The following ATP6V0D1 variants were observed in gnomAD, a reference collection of about 807,000 sequenced individuals.
ATP6V0D1 encodes ATPase H+ transporting V0 subunit d1, also known as V-type proton ATPase subunit d 1.
ATP6V0D1 carries 13 observed loss-of-function variants against 39.0 expected under a neutral mutation model. The observed-to-expected ratio is 0.33, with a 90% CI of 0.22 to 0.53. The LOEUF is 0.53. Ranked by LOEUF, ATP6V0D1 falls within the 20% of genes least tolerant of loss-of-function variation. ATP6V0D1 has a pLI of 0.94. For synonymous variants in ATP6V0D1, 191 were observed against 191.2 expected (o/e 1.00, Z 0.01); for missense variants, 272 against 470.9 (o/e 0.58, Z 3.91).
chr16:67,480,888 C>T, intron 1 of ATP6V0D1, 69 bp downstream of exon 1: 1 of 1,571,364 alleles, frequency 6.4e-7, no homozygotes, highest in Non-Finnish European at 8.7e-7. Flanking sequence ...TTCCGGCTTC[C>T]CGGCCTACAC....
intron 1 of ATP6V0D1, among the ~76,000 whole-genome samples, chr16:67,458,483 G>A (rs959745315): frequency 6.6e-6 from 1 of 152,188 alleles, no homozygotes; most frequent in Non-Finnish European, 1.5e-5. Context: ...CCTCAGTGAT[G>A]GCCACTGAGA....
At chr16:67,443,241 A>G in intron 3 of ATP6V0D1, 63 bp from the exon 4 acceptor site, 30 of 1,542,696 alleles carry the variant, frequency 1.9e-5, no homozygotes, top group Non-Finnish European at 2.6e-5. Context: ...TGATGTTCAA[A>G]TGCCCTACAC....
intron 1 of ATP6V0D1, among the ~76,000 whole-genome samples, chr16:67,461,868 C>T (rs915953005): frequency 2.6e-5 from 4 of 152,210 alleles, no homozygotes; most frequent in Admixed American, 6.5e-5. Flanking sequence ...CTGGGTTCAT[C>T]ACCCCACTCC....
intron 1 of ATP6V0D1, 59 bp downstream of exon 1, chr16:67,480,898 C>T (rs1000547525): frequency 3.7e-6 from 6 of 1,602,148 alleles, no homozygotes; most frequent in African/African-American, 2.7e-5. Context: ...CCGGCCTACA[C>T]CTCTGAACCC....
intron 4 of ATP6V0D1, chr16:67,439,626 A>C: frequency 2.0e-6 from 1 of 499,210 alleles, no homozygotes; most frequent in Non-Finnish European, 3.6e-6. Flanking sequence ...TCACCCCCTC[A>C]CCTCACAGAA....
intron 2 of ATP6V0D1, among the ~76,000 whole-genome samples, chr16:67,448,251 C>T (rs2041139414): frequency 6.6e-6 from 1 of 151,518 alleles, no homozygotes; most frequent in African/African-American, 2.4e-5. Context: ...ACTTGGGAGG[C>T]TGAGGCAGGA....
intron 2 of ATP6V0D1, among the ~76,000 whole-genome samples, chr16:67,450,475 G>C (rs16957443): frequency 0.022 from 3,408 of 152,244 alleles, 41 homozygotes; most frequent in Middle Eastern, 0.041. Context: ...GCGGAGAAGG[G>C]AGAGTGGCCA....
At chr16:67,459,256 C>A in intron 1 of ATP6V0D1, 3 of 985,514 alleles carry the variant, frequency 3.0e-6, no homozygotes, top group South Asian at 4.7e-5. Context: ...CATAGAGAGG[C>A]TGGGTTGGGA....
rs764892713 is a variant in ATP6V0D1 at position 67,439,150 on chromosome 16, G to A, written c.640-3C>T. 2.9e-5 allele frequency: 47 copies of A among 1,613,818 alleles called. No individual in the cohort carries two copies. The highest frequency in any genetic ancestry group is 6.7e-5 in the Admixed American group (4 of 60,016). On this transcript the variant is annotated splice_region_variant and splice_polypyrimidine_tract_variant and intron_variant, in intron 5 of 7. Coordinates refer to ENST00000290949, the MANE Select transcript of ATP6V0D1 (RefSeq NM_004691.5). The stretch of plus-strand genomic sequence containing the variant: ...AAGGCGCGGCGGTCTGCTTCAAACT[G>A]TGGAGCCAGTGCACAGGTAAGAAGA...
intron 1 of ATP6V0D1, among the ~76,000 whole-genome samples, chr16:67,467,640 A>C (rs1032692652): frequency 6.6e-6 from 1 of 152,152 alleles, no homozygotes; most frequent in African/African-American, 2.4e-5. Flanking sequence ...GGGCAAATAC[A>C]TCTCTGCATC....
intron 3 of ATP6V0D1, among the ~76,000 whole-genome samples, chr16:67,443,911 C>G (rs1050595018): frequency 5.9e-5 from 9 of 152,202 alleles, no homozygotes; most frequent in Non-Finnish European, 8.8e-5. Flanking sequence ...GAGGTGGTAC[C>G]CCAGGCCCAG....
chr16:67,459,761 C>T (rs1288420345), intron 1 of ATP6V0D1, among the ~76,000 whole-genome samples: 2 of 152,268 alleles, frequency 1.3e-5, no homozygotes, highest in African/African-American at 4.8e-5. Flanking sequence ...CCCCAGGCCT[C>T]TGCAGTTCCT....
intron 4 of ATP6V0D1, among the ~76,000 whole-genome samples, chr16:67,442,872 T>A (rs1420624608): frequency 1.3e-5 from 2 of 152,162 alleles, no homozygotes; most frequent in Non-Finnish European, 2.9e-5. Context: ...CACCAGCCAC[T>A]CCTGCTGATT....
chr16:67,458,255 C>T (rs1433455348), intron 1 of ATP6V0D1, among the ~76,000 whole-genome samples: 1 of 152,234 alleles, frequency 6.6e-6, no homozygotes, highest in African/African-American at 2.4e-5. Context: ...GCTTCCTGCT[C>T]TCTCTGAGGG....
At chr16:67,475,937 T>C (rs940883202) in intron 1 of ATP6V0D1, among the ~76,000 whole-genome samples, 1 of 152,178 alleles carries the variant, frequency 6.6e-6, no homozygotes, top group African/African-American at 2.4e-5. Context: ...TTAGAACATA[T>C]GGGCATCCCA....
Position 67,452,495 on chromosome 16 carries a change from G to T in ATP6V0D1, c.302+1049C>A, listed in dbSNP as rs188145234. 8.6e-6 allele frequency: 10 copies of T among 1,161,334 alleles called. No individual in the cohort carries two copies. In the Admixed American group the frequency reaches 1.2e-4, roughly 14 times the overall value. The allele number at this position is 1,161,334 out of a possible 1,614,324, so 71.9% of individuals were successfully genotyped here. On this transcript the variant is annotated intron_variant, in intron 2 of 7. Coordinates refer to ENST00000290949, the MANE Select transcript of ATP6V0D1 (RefSeq NM_004691.5). ...TGTCCCTGCAGGGACAAGTGGGGCA[G>T]GTGTGCCAGGTCCCAAGGAAAAGAG...
rs2041015791 is a variant in ATP6V0D1, at chr16:67,439,159, G to A, written c.640-12C>T. On this transcript the variant is annotated splice_polypyrimidine_tract_variant and intron_variant, in intron 5 of 7. Coordinates refer to ENST00000290949, the MANE Select transcript of ATP6V0D1 (RefSeq NM_004691.5). ...CGGTCTGCTTCAAACTGTGGAGCCAGTGCACAGGTAAGAAGAGAGGGAGGA... is the reference window on the plus strand; with the variant it reads ...CGGTCTGCTTCAAACTGTGGAGCCAATGCACAGGTAAGAAGAGAGGGAGGA... 6.2e-7 allele frequency: 1 copy of A among 1,613,832 alleles called. No individual in the cohort carries two copies. The highest frequency in any genetic ancestry group is 8.5e-7 in the Non-Finnish European group (1 of 1,179,706).
At chr16:67,461,451 C>A (rs968773355) in intron 1 of ATP6V0D1, among the ~76,000 whole-genome samples, 1 of 152,204 alleles carries the variant, frequency 6.6e-6, no homozygotes, top group Non-Finnish European at 1.5e-5. Flanking sequence ...ACCCACCACA[C>A]CCTGAGTTGC....
rs1006026996 is a variant in ATP6V0D1, at chr16:67,456,665, G to A, written c.131-2950C>T. The A allele has an allele frequency of 3.3e-5, 5 of 152,268 alleles. No homozygotes were observed. The highest frequency in any genetic ancestry group is 2.1e-4 in the South Asian group (1 of 4,830). 9.4% of individuals were successfully genotyped at this position (152,268 alleles called of 1,614,324 possible). A position where few individuals can be genotyped will look rare whatever the true frequency, so the allele number is the denominator to read the frequency against. On this transcript the variant is annotated intron_variant, in intron 1 of 7. Transcript: ENST00000290949. The surrounding 1 kb of genome is among the most constrained non-coding windows in gnomAD (Gnocchi z 4.1). The stretch of plus-strand genomic sequence containing the variant: ...CAGCCAAGAGCCCTTCTCAGGCCAG[G>A]AGACTTCTTCCTTTTCAGCTATAGC...
Sources: gnomAD v4.1 joint callset for allele counts (sites outside exome capture counted in the v4.1 genomes callset) on GRCh38, gnomAD v4.1.1 for gene constraint, Gnocchi (gnomAD v3.1) non-coding constraint, MANE v1.5 for transcripts, NCBI Gene and HGNC (gene_info 2026-07-23, HGNC 2026-07-21) for gene names.